Variants in ROBO2 observed in about 807,000 individuals in gnomAD.
ROBO2 encodes roundabout guidance receptor 2.
Under a neutral mutation model 160.8 loss-of-function variants are expected in ROBO2, and 53 were observed. The ratio of observed to expected loss-of-function variants is 0.33; its 90% CI spans 0.26 to 0.41. The LOEUF (loss-of-function observed/expected upper bound fraction) is 0.41. ROBO2 is among the 10% of genes least tolerant of loss of function. The probability of loss-of-function intolerance (pLI) is 1.00; values close to 1 mark genes in which losing one functional copy is unlikely to be tolerated. For missense variants in ROBO2, 1,577 were observed against 1,722.4 expected (o/e 0.92, Z 1.49); for synonymous variants, 664 against 611.7 (o/e 1.09, Z -1.26).
At chr3:77,402,621 T>C (rs1265852686) in intron 2 of ROBO2, among the ~76,000 whole-genome samples, 1 of 151,876 alleles carries the variant, frequency 6.6e-6, no homozygotes, top group Non-Finnish European at 1.5e-5. Flanking sequence ...GTATATGACC[T>C]TCTATGGACA....
intron 2 of ROBO2, among the ~76,000 whole-genome samples, chr3:77,233,663 A>C (rs1430331316): frequency 6.6e-6 from 1 of 152,180 alleles, no homozygotes; most frequent in Non-Finnish European, 1.5e-5. Context: ...TATTATTTTA[A>C]TATTTAATAA....
chr3:76,315,045 C>T (rs1439223925), intron 2 of ROBO2, among the ~76,000 whole-genome samples: 1 of 152,086 alleles, frequency 6.6e-6, no homozygotes, highest in African/African-American at 2.4e-5. Context: ...GTAAGGCTGG[C>T]ATGAAATAGT....
chr3:76,274,967 A>G (rs1360877501), intron 2 of ROBO2, among the ~76,000 whole-genome samples: 8 of 152,180 alleles, frequency 5.3e-5, no homozygotes, highest in African/African-American at 1.9e-4. Context: ...GATTTGTGCC[A>G]TTGTAACTTG....
At chr3:76,657,754 GTA>G (rs143226211) in intron 2 of ROBO2, among the ~76,000 whole-genome samples, 10,540 of 143,886 alleles carry the variant, frequency 0.073, 1,270 homozygotes, top group African/African-American at 0.25. Flanking sequence ...TCATATATAT[GTA>G]TATATATATG....
intron 2 of ROBO2, among the ~76,000 whole-genome samples, chr3:76,566,030 T>C (rs1183569993): frequency 1.3e-5 from 2 of 152,172 alleles, no homozygotes; most frequent in Non-Finnish European, 2.9e-5. Context: ...AGCATGTACT[T>C]GGGGAGAAAT....
At chr3:76,056,971 C>T (rs1008591108) in intron 2 of ROBO2, among the ~76,000 whole-genome samples, 31 of 152,030 alleles carry the variant, frequency 2.0e-4, no homozygotes, top group Non-Finnish European at 1.0e-4. Context: ...TTGTGTATGC[C>T]TGTGTGTGTA....
intron 2 of ROBO2, among the ~76,000 whole-genome samples, chr3:76,863,493 T>C (rs544257835): frequency 2.7e-5 from 4 of 150,666 alleles, no homozygotes; most frequent in African/African-American, 4.9e-5. Context: ...AAAAACCAAA[T>C]CATTTGAGTT....
At chr3:76,597,813 C>T (rs568050258) in intron 2 of ROBO2, among the ~76,000 whole-genome samples, 4 of 152,096 alleles carry the variant, frequency 2.6e-5, no homozygotes, top group African/African-American at 9.6e-5. Flanking sequence ...TCACTTCCTG[C>T]ATTAGTTTGT....
chr3:76,262,787 G>A (rs966216955), intron 2 of ROBO2, among the ~76,000 whole-genome samples: 14 of 152,112 alleles, frequency 9.2e-5, no homozygotes, highest in African/African-American at 2.9e-4. Flanking sequence ...ACCAGATCAA[G>A]TTTAAGAAAC....
At chr3:77,033,698 G>A (rs933836695) in intron 2 of ROBO2, among the ~76,000 whole-genome samples, 5 of 151,888 alleles carry the variant, frequency 3.3e-5, no homozygotes, top group Admixed American at 1.3e-4. Context: ...TGAAGAAAAC[G>A]ATTACAGATG....
chr3:77,582,138 G>GTTCTA (rs1226012458), intron 16 of ROBO2, among the ~76,000 whole-genome samples: 1 of 152,110 alleles, frequency 6.6e-6, no homozygotes, highest in East Asian at 1.9e-4. Context: ...TTAATGTGCA[G>GTTCTA]TTCTATTAAA....
chr3:76,441,573 G>A (rs2076927931), intron 2 of ROBO2, among the ~76,000 whole-genome samples: 1 of 152,168 alleles, frequency 6.6e-6, no homozygotes, highest in South Asian at 2.1e-4. Context: ...GTTCAGTACA[G>A]AGCTATTAAG....
At chr3:76,118,433 A>G (rs2070571122) in intron 2 of ROBO2, among the ~76,000 whole-genome samples, 1 of 152,202 alleles carries the variant, frequency 6.6e-6, no homozygotes, top group African/African-American at 2.4e-5. Context: ...TCTGATACTT[A>G]GTATGGAAAA....
intron 2 of ROBO2, among the ~76,000 whole-genome samples, chr3:76,009,325 G>A (rs1431003723): frequency 6.6e-6 from 1 of 152,016 alleles, no homozygotes; most frequent in Non-Finnish European, 1.5e-5. Context: ...GGATGGTCTC[G>A]ATCTCCTGAC....
At chr3:76,670,033 G>A (rs6781519) in intron 2 of ROBO2, among the ~76,000 whole-genome samples, 120,401 of 152,078 alleles carry the variant, frequency 0.79, 47,854 homozygotes, top group South Asian at 0.92. Flanking sequence ...GCTGAATATA[G>A]TAAGTGTCTT....
intron 2 of ROBO2, among the ~76,000 whole-genome samples, chr3:76,112,807 G>T (rs1417900895): frequency 2.6e-5 from 4 of 151,950 alleles, no homozygotes; most frequent in African/African-American, 9.7e-5. Context: ...TAATGAAAAT[G>T]CTATAATTTC....
At chr3:76,787,414 C>G (rs1219648521) in intron 2 of ROBO2, among the ~76,000 whole-genome samples, 3 of 150,236 alleles carry the variant, frequency 2.0e-5, no homozygotes, top group Non-Finnish European at 4.5e-5. Context: ...CTAGATTTGG[C>G]CCATGGGTCA....
At chr3:76,999,353 G>C (rs993739815) in intron 2 of ROBO2, among the ~76,000 whole-genome samples, 1 of 152,046 alleles carries the variant, frequency 6.6e-6, no homozygotes. Context: ...CCCCCTTGTA[G>C]ATAGGTAACT....
chr3:77,293,537 G>A (rs2061589326), intron 2 of ROBO2, among the ~76,000 whole-genome samples: 2 of 147,550 alleles, frequency 1.4e-5, no homozygotes, highest in Non-Finnish European at 1.5e-5. Flanking sequence ...GGTAAGCTGA[G>A]GCTAGAGCAC....
Sources: gnomAD v4.1 joint callset for allele counts (sites outside exome capture counted in the v4.1 genomes callset) on GRCh38, gnomAD v4.1.1 for gene constraint, MANE v1.5 for transcripts, NCBI Gene and HGNC (gene_info 2026-07-23, HGNC 2026-07-21) for gene names.